Variants in TBL1XR1 observed in about 807,000 individuals in gnomAD.
TBL1XR1 encodes TBL1X/Y related 1.
In TBL1XR1, 5 loss-of-function variants were observed where a neutral mutation model predicts 66.9. The observed-to-expected ratio is 0.07, with a 90% CI of 0.04 to 0.16. The LOEUF (loss-of-function observed/expected upper bound fraction) is 0.16. Ranked by LOEUF, TBL1XR1 falls within the 10% of genes least tolerant of loss-of-function variation. TBL1XR1 has a pLI of 1.00. For missense variants in TBL1XR1, 238 were observed against 623.2 expected, an observed-to-expected ratio of 0.38 and a Z score of 6.58; for synonymous variants, 210 against 206.0, an observed-to-expected ratio of 1.02 and a Z score of -0.17.
chr3:177,125,795 TA>T (rs1379038327), intron 1 of TBL1XR1, among the ~76,000 whole-genome samples: 2 of 152,096 alleles, frequency 1.3e-5, no homozygotes, highest in Non-Finnish European at 2.9e-5. Context: ...AATTTCCAAG[TA>T]AAAAAATTAC....
chr3:177,057,497 A>C (rs756291902), intron 3 of TBL1XR1, among the ~76,000 whole-genome samples: 12 of 152,224 alleles, frequency 7.9e-5, no homozygotes, highest in Non-Finnish European at 1.5e-4. Context: ...ATTATACTAT[A>C]ATGTATTTTG....
At chr3:177,179,384 C>A (rs920502092) in intron 1 of TBL1XR1, among the ~76,000 whole-genome samples, 7 of 152,184 alleles carry the variant, frequency 4.6e-5, no homozygotes, top group Admixed American at 4.6e-4. Flanking sequence ...TGACATAATT[C>A]TCGTATTTAC....
At chr3:177,164,921 A>C (rs1240354849) in intron 1 of TBL1XR1, among the ~76,000 whole-genome samples, 1 of 152,184 alleles carries the variant, frequency 6.6e-6, no homozygotes, top group Non-Finnish European at 1.5e-5. Context: ...TTACTTTAAA[A>C]TATTTTTAAA....
intron 1 of TBL1XR1, among the ~76,000 whole-genome samples, chr3:177,116,103 G>A (rs937635557): frequency 2.0e-5 from 3 of 151,972 alleles, no homozygotes; most frequent in East Asian, 1.9e-4. Flanking sequence ...TCACACTAAG[G>A]GCAATGGAAT....
At chr3:177,132,906 C>A (rs1412574250) in intron 1 of TBL1XR1, among the ~76,000 whole-genome samples, 1 of 152,160 alleles carries the variant, frequency 6.6e-6, no homozygotes, top group Admixed American at 6.5e-5. Context: ...CTGCTCACAC[C>A]GCCCTTCACC....
chr3:177,025,388 G>A lies in TBL1XR1; in HGVS notation c.*110C>T, dbSNP rs1576955065. The stretch of plus-strand genomic sequence containing the variant: ...GTATATATTTCTTTTAGATTTGGCT[G>A]TAGTGGACTGGCCATGGTTCAAGTG... On this transcript the variant is annotated 3_prime_UTR_variant, in exon 16 of 16. Coordinates refer to ENST00000457928, the MANE Select transcript of TBL1XR1 (RefSeq NM_024665.7). 21 of 1,104,452 alleles carry A rather than the reference G, an allele frequency of 1.9e-5. No individual in the cohort carries two copies. The South Asian group carries it at 2.8e-4, about 15-fold the overall frequency. 68.4% of individuals were successfully genotyped at this position (1,104,452 alleles called of 1,614,324 possible). A position where few individuals can be genotyped will look rare whatever the true frequency, so the allele number is the denominator to read the frequency against.
Position 177,140,382 on chromosome 3 carries a change from G to A in TBL1XR1, c.-121-41841C>T, listed in dbSNP as rs1026628019. Among the ~76,000 whole-genome samples the A allele has an allele frequency of 5.3e-5, 8 of 152,302 alleles. No homozygotes were observed. In the East Asian group the frequency reaches 1.5e-3, roughly 29 times the overall value. On this transcript the variant is annotated intron_variant, in intron 1 of 15. Transcript: ENST00000457928. Reference sequence around the variant, plus strand: ...GCATGCTACCAACAGGTTACCAGGTGAGCAGCCAGAGGCCTTTGCTACAAG... The same window carrying A: ...GCATGCTACCAACAGGTTACCAGGTAAGCAGCCAGAGGCCTTTGCTACAAG...
At chr3:177,158,158 AGT>A (rs1731735482) in intron 1 of TBL1XR1, among the ~76,000 whole-genome samples, 2 of 119,696 alleles carry the variant, frequency 1.7e-5, no homozygotes, top group African/African-American at 7.4e-5. Context: ...AAAAATAAAA[AGT>A]AAAACAAAAA....
intron 2 of TBL1XR1, chr3:177,078,597 A>C (rs1301901764): frequency 6.6e-6 from 1 of 151,546 alleles, no homozygotes; most frequent in East Asian, 1.9e-4. Context: ...TCAAAAAAAA[A>C]AAAATAAAGT....
chr3:177,052,078 T>C (rs755986594), intron 4 of TBL1XR1, among the ~76,000 whole-genome samples: 24 of 152,246 alleles, frequency 1.6e-4, no homozygotes, highest in Non-Finnish European at 2.9e-4. Flanking sequence ...TGGAATATAG[T>C]TCATATAATG....
At chr3:177,121,055 G>A (rs924864762) in intron 1 of TBL1XR1, among the ~76,000 whole-genome samples, 1 of 152,240 alleles carries the variant, frequency 6.6e-6, no homozygotes, top group East Asian at 1.9e-4. Flanking sequence ...CTTTCTAAGA[G>A]CCAGGACTCA....
chr3:177,027,865 GTATC>G (rs1234244214), intron 14 of TBL1XR1: 1 of 152,038 alleles, frequency 6.6e-6, no homozygotes, highest in Non-Finnish European at 1.5e-5. Context: ...TAGGCTTTGA[GTATC>G]TATAGTTAAT....
intron 2 of TBL1XR1, among the ~76,000 whole-genome samples, chr3:177,077,719 A>C (rs1362592447): frequency 2.0e-5 from 3 of 152,152 alleles, no homozygotes; most frequent in Non-Finnish European, 4.4e-5. Context: ...GTTCTGTTTC[A>C]ACTGCACTTG....
At chr3:177,111,587 A>G (rs867275101) in intron 1 of TBL1XR1, among the ~76,000 whole-genome samples, 2 of 152,152 alleles carry the variant, frequency 1.3e-5, no homozygotes, top group African/African-American at 4.8e-5. Flanking sequence ...GGCTTCAGCC[A>G]CTGCGCCAGG....
intron 1 of TBL1XR1, among the ~76,000 whole-genome samples, chr3:177,148,703 G>GA (rs1318322382): frequency 2.0e-5 from 3 of 150,374 alleles, no homozygotes; most frequent in South Asian, 4.2e-4. Context: ...TAAGACTCGA[G>GA]AAAAAAATAA....
chr3:177,128,027 T>C (rs1727849695), intron 1 of TBL1XR1, among the ~76,000 whole-genome samples: 1 of 152,134 alleles, frequency 6.6e-6, no homozygotes, highest in Non-Finnish European at 1.5e-5. Context: ...GAGACCAGCC[T>C]GGCCAACATG....
chr3:177,168,711 A>G (rs1480631942), intron 1 of TBL1XR1, among the ~76,000 whole-genome samples: 2 of 152,248 alleles, frequency 1.3e-5, no homozygotes, highest in Non-Finnish European at 2.9e-5. Context: ...AAACTTGTAT[A>G]CATTTAATGC....
chr3:177,060,996 A>T lies in TBL1XR1; in HGVS notation c.58+3924T>A, dbSNP rs569475009. Among the ~76,000 whole-genome samples, 7 of 152,392 alleles carry T rather than the reference A, an allele frequency of 4.6e-5. No individual in the cohort carries two copies. In the South Asian group the frequency reaches 1.4e-3, roughly 32 times the overall value. On this transcript the variant is annotated intron_variant, in intron 3 of 15. Transcript: ENST00000457928. ...CCTAGGAAATATTTGTTGAATAGGG[A>T]AGTCCACTTCATAAAAAGGCAGAAT...
intron 1 of TBL1XR1, among the ~76,000 whole-genome samples, chr3:177,133,684 T>C (rs1577264445): frequency 6.6e-6 from 1 of 151,988 alleles, no homozygotes; most frequent in Non-Finnish European, 1.5e-5. Flanking sequence ...GATGGATCAT[T>C]TGAGGTCAGG....
Sources: allele counts gnomAD v4.1 joint callset (sites outside exome capture counted in the v4.1 genomes callset), GRCh38; gene constraint gnomAD v4.1.1; transcripts MANE v1.5; gene names NCBI Gene and HGNC (gene_info 2026-07-23, HGNC 2026-07-21).